Variants in PIGL observed in about 807,000 individuals in gnomAD.
The protein encoded by PIGL is phosphatidylinositol glycan anchor biosynthesis class L, also known as N-acetylglucosaminyl-phosphatidylinositol de-N-acetylase.
Under a neutral mutation model 31.1 loss-of-function variants are expected in PIGL, and 22 were observed. That is an observed-to-expected ratio of 0.71 (90% CI 0.51 to 1.01). The LOEUF (loss-of-function observed/expected upper bound fraction) is 1.01. Ranked by LOEUF, PIGL falls within the 50% of genes least tolerant of loss-of-function variation. PIGL has a pLI of 0.00. For missense variants in PIGL, 302 were observed against 315.9 expected (o/e 0.96, Z 0.33); for synonymous variants, 131 against 117.4 (o/e 1.12, Z -0.75).
intron 2 of PIGL, among the ~76,000 whole-genome samples, chr17:16,292,104 G>A (rs1402952025): frequency 2.2e-5 from 3 of 136,626 alleles, no homozygotes; most frequent in East Asian, 2.2e-4. Flanking sequence ...ACATGATCTC[G>A]GCTCACTGCA....
At chr17:16,320,309 GGAAGGAAGGAAGGGAAGC>G (rs1195016535) in intron 6 of PIGL, among the ~76,000 whole-genome samples, 82 of 134,776 alleles carry the variant, frequency 6.1e-4, no homozygotes, top group Non-Finnish European at 9.4e-4. Flanking sequence ...GGAAGGGAAG[GGAAGGAAGGAAGGGAAGC>G]GAAGGAAGGA....
At chr17:16,306,563 T>C (rs2093027446) in intron 3 of PIGL, among the ~76,000 whole-genome samples, 1 of 145,312 alleles carries the variant, frequency 6.9e-6, no homozygotes, top group African/African-American at 2.5e-5. Context: ...AGTTTCCCTC[T>C]TGTTGGCCAG....
At chr17:16,313,673 G>T in intron 4 of PIGL, 59 bp downstream of exon 4, 2 of 1,320,166 alleles carry the variant, frequency 1.5e-6, no homozygotes, top group South Asian at 1.2e-5. Context: ...TAGGGCTCAT[G>T]GTTTAAAGTC....
In PIGL at chr17:16,258,100, AGAAAGAG is replaced by A. The variant is rs1568802822; in HGVS notation, c.335+24031_335+24037del. 2.1e-3 allele frequency among the ~76,000 whole-genome samples: 256 copies of A among 123,224 alleles called. 1 individual carries two copies. The highest frequency in any genetic ancestry group is 0.013 in the East Asian group (57 of 4,530). 80.8% of individuals were successfully genotyped at this position (123,224 alleles called of 152,430 possible). A position where few individuals can be genotyped will look rare whatever the true frequency, so the allele number is the denominator to read the frequency against. On this transcript the variant is annotated intron_variant, in intron 2 of 6. Coordinates refer to ENST00000225609, the MANE Select transcript of PIGL (RefSeq NM_004278.4). ...GAGAGAGAGAGAGAGAGAGAGAGAG[AGAAAGAG>A]AGAGAGAGAGAGAGAGAAAGAGAGA...
At chr17:16,299,161 T>C (rs2092994329) in intron 2 of PIGL, among the ~76,000 whole-genome samples, 1 of 151,224 alleles carries the variant, frequency 6.6e-6, no homozygotes, top group East Asian at 2.0e-4. Context: ...TGAGCCGAGA[T>C]TGTGCCACTG....
chr17:16,296,386 C>T (rs955297510), intron 2 of PIGL, among the ~76,000 whole-genome samples: 5 of 151,700 alleles, frequency 3.3e-5, no homozygotes, highest in South Asian at 2.1e-4. Context: ...CTGAGGTGGG[C>T]GGATCACAAG....
At chr17:16,309,496 C>G (rs1169648261) in intron 3 of PIGL, among the ~76,000 whole-genome samples, 1 of 152,062 alleles carries the variant, frequency 6.6e-6, no homozygotes, top group Non-Finnish European at 1.5e-5. Flanking sequence ...GGCACGGTGG[C>G]TCACACCTGT....
At chr17:16,312,928 A>AGGGGGGGG (rs869065594) in intron 3 of PIGL, 1 of 25,344 alleles carries the variant, frequency 3.9e-5, no homozygotes, top group African/African-American at 1.3e-4. Context: ...GGGAGGGGGA[A>AGGGGGGGG]GGGGGGGGGA....
intron 2 of PIGL, among the ~76,000 whole-genome samples, chr17:16,270,909 A>G (rs1363999064): frequency 6.6e-6 from 1 of 151,830 alleles, no homozygotes; most frequent in East Asian, 1.9e-4. Flanking sequence ...AAAAAGAGAA[A>G]AGGAAAAGTA....
At chr17:16,271,645 C>T (rs548552605) in intron 2 of PIGL, among the ~76,000 whole-genome samples, 6 of 151,994 alleles carry the variant, frequency 3.9e-5, no homozygotes, top group South Asian at 4.2e-4. Context: ...AATTCTTCTG[C>T]CTCAGCCTCC....
At chr17:16,281,939 C>G in intron 2 of PIGL, 8 of 430,242 alleles carry the variant, frequency 1.9e-5, no homozygotes, top group South Asian at 1.3e-4. Context: ...ACCTGTAAGA[C>G]CCATCCTCAG....
chr17:16,265,954 G>A (rs1251467559), intron 2 of PIGL, among the ~76,000 whole-genome samples: 1 of 152,062 alleles, frequency 6.6e-6, no homozygotes, highest in Non-Finnish European at 1.5e-5. Flanking sequence ...TAACCATGAG[G>A]AAGGGGAACT....
At chr17:16,236,015 A>C (rs924808137) in intron 2 of PIGL, among the ~76,000 whole-genome samples, 1 of 152,130 alleles carries the variant, frequency 6.6e-6, no homozygotes, top group African/African-American at 2.4e-5. Context: ...CAAAATGCTT[A>C]GTTTCCAATA....
intron 2 of PIGL, among the ~76,000 whole-genome samples, chr17:16,263,833 CTTTT>C (rs913026747): frequency 2.6e-5 from 2 of 76,978 alleles, no homozygotes; most frequent in Non-Finnish European, 4.7e-5. Context: ...TAAATGTTGA[CTTTT>C]TTTTTTTTTT....
chr17:16,304,320 C>T (rs2142843684), intron 3 of PIGL, among the ~76,000 whole-genome samples: 1 of 152,320 alleles, frequency 6.6e-6, no homozygotes, highest in Non-Finnish European at 1.5e-5. Flanking sequence ...AGGATGAGAG[C>T]ATAAGCTCTC....
At chr17:16,234,141 A>G in intron 2 of PIGL, 71 bp downstream of exon 2, 2 of 866,374 alleles carry the variant, frequency 2.3e-6, no homozygotes, top group Non-Finnish European at 1.9e-6. Flanking sequence ...AAAGACACAC[A>G]AAAAACTAAT....
intron 2 of PIGL, among the ~76,000 whole-genome samples, chr17:16,246,707 C>T: frequency 2.5e-5 from 1 of 39,432 alleles, no homozygotes; most frequent in African/African-American, 7.5e-5. Flanking sequence ...GAGACGGAGT[C>T]TCGCTCTGTC....
chr17:16,239,258 C>T (rs998070261), intron 2 of PIGL, among the ~76,000 whole-genome samples: 7 of 150,276 alleles, frequency 4.7e-5, no homozygotes, highest in Non-Finnish European at 1.0e-4. Flanking sequence ...CCGAGGCAGG[C>T]GGATCAGGAG....
rs1238143863 is a variant in PIGL at position 16,265,207 on chromosome 17, A to T, written c.335+31137A>T. ...AGGGAATAGTGTTACCTTAAGACTA[A>T]CACTTAGGGATATATGGTAAGGTAA... is the stretch of plus-strand genomic sequence containing the variant. On this transcript the variant is annotated intron_variant, in intron 2 of 6. Coordinates refer to ENST00000225609, the MANE Select transcript of PIGL (RefSeq NM_004278.4). Among the ~76,000 whole-genome samples, 4 of 152,306 alleles carry T rather than the reference A, an allele frequency of 2.6e-5. No homozygotes were observed. The East Asian group carries it at 7.7e-4, about 29-fold the overall frequency.
Sources: gnomAD v4.1 joint callset for allele counts (sites outside exome capture counted in the v4.1 genomes callset) on GRCh38, gnomAD v4.1.1 for gene constraint, MANE v1.5 for transcripts, NCBI Gene and HGNC (gene_info 2026-07-23, HGNC 2026-07-21) for gene names.